Variants in NEO1 observed in about 807,000 individuals in gnomAD.
NEO1 encodes neogenin 1.
Under a neutral mutation model 159.7 loss-of-function variants are expected in NEO1, and 63 were observed. The ratio of observed to expected loss-of-function variants is 0.39; its 90% confidence interval spans 0.32 to 0.49. The LOEUF (loss-of-function observed/expected upper bound fraction) is 0.49, where lower values mean the gene tolerates loss of function less well. Among genes scored for constraint, NEO1 ranks in the 20% least tolerant of loss-of-function variants. The pLI, the probability that NEO1 is intolerant of heterozygous loss-of-function variation, is 0.85. For missense variants in NEO1, 1,615 were observed against 1,831.0 expected (o/e 0.88, Z 2.15); for synonymous variants, 633 against 662.0 (o/e 0.96, Z 0.67).
chr15:73,260,383 C>T lies in NEO1; in HGVS notation c.2316C>T (p.Ala772=). The change falls in exon 15 of 29, where the codon GCC becomes GCT. Residue 772 remains alanine (A), a synonymous_variant. Coordinates refer to ENST00000261908, the MANE Select transcript of NEO1 (RefSeq NM_002499.4). ...ENQNIVVRGY[A]IGYGIGSPHA... ...AGAACATTGTGGTCAGAGGTTACGC[C>T]ATTGGTTATGGCATTGGCAGCCCTC... 1 of 1,613,980 alleles carries T rather than the reference C, an allele frequency of 6.2e-7. No individual in the cohort carries two copies. The highest frequency in any genetic ancestry group is 8.5e-7 in the Non-Finnish European group (1 of 1,179,958).
intron 1 of NEO1, among the ~76,000 whole-genome samples, chr15:73,078,003 A>G (rs2068858674): frequency 6.6e-6 from 1 of 152,188 alleles, no homozygotes; most frequent in Admixed American, 6.5e-5. Flanking sequence ...ATAATGAGCA[A>G]ACATCCAGAA....
chr15:73,120,837 G>C (rs917486560), intron 2 of NEO1, among the ~76,000 whole-genome samples: 1 of 151,820 alleles, frequency 6.6e-6, no homozygotes, highest in Non-Finnish European at 1.5e-5. Context: ...CGACATTTTT[G>C]GTTCACATTT....
intron 12 of NEO1, among the ~76,000 whole-genome samples, chr15:73,253,932 T>C (rs914418062): frequency 6.6e-6 from 1 of 152,198 alleles, no homozygotes; most frequent in Non-Finnish European, 1.5e-5. Context: ...GTCCTTCCTA[T>C]AGCCAAGTTT....
In NEO1 at chr15:73,233,132, T is replaced by C. The variant is rs188430898; in HGVS notation, c.1292-3215T>C. Among the ~76,000 whole-genome samples the C allele has an allele frequency of 3.6e-3, 552 of 152,268 alleles. 4 individuals carry two copies. Among genetic ancestry groups the C allele is most frequent in the African/African-American group, 0.013 (524 of 41,548 alleles). On this transcript the variant is annotated intron_variant, in intron 7 of 28. Transcript: ENST00000261908. ...TTGATGCTAGTGTAACTTAACTGCC[T>C]GTTTGATACTCTGTGATAACATAAG...
chr15:73,206,962 T>TC (rs955814754), intron 7 of NEO1, among the ~76,000 whole-genome samples: 3 of 151,986 alleles, frequency 2.0e-5, no homozygotes, highest in African/African-American at 7.3e-5. Flanking sequence ...CAAGCAACAA[T>TC]CCCCCCATCT....
intron 8 of NEO1, 54 bp from the exon 9 acceptor site, chr15:73,244,290 A>T: frequency 1.3e-6 from 2 of 1,548,586 alleles, no homozygotes; most frequent in African/African-American, 1.4e-5. Context: ...GAAACTGTAC[A>T]TTCTGGAAGT....
At chr15:73,158,126 A>G (rs1185712424) in intron 5 of NEO1, among the ~76,000 whole-genome samples, 2 of 149,700 alleles carry the variant, frequency 1.3e-5, no homozygotes, top group African/African-American at 4.9e-5. Context: ...GAGACAGGAG[A>G]ATTGCTTGAA....
chr15:73,235,326 A>G (rs2039112027), intron 7 of NEO1, among the ~76,000 whole-genome samples: 1 of 152,170 alleles, frequency 6.6e-6, no homozygotes, highest in Non-Finnish European at 1.5e-5. Context: ...AAATTGTGAG[A>G]TTAAACTTGT....
chr15:73,231,319 C>T (rs2038897064), intron 7 of NEO1, among the ~76,000 whole-genome samples: 1 of 152,120 alleles, frequency 6.6e-6, no homozygotes, highest in Admixed American at 6.5e-5. Flanking sequence ...CAAAACAAGT[C>T]TCAATACATT....
intron 7 of NEO1, among the ~76,000 whole-genome samples, chr15:73,201,331 A>G (rs1490314810): frequency 6.6e-6 from 1 of 151,802 alleles, no homozygotes; most frequent in African/African-American, 2.4e-5. Flanking sequence ...TCTTTGGCCC[A>G]TGAGTTATTT....
intron 1 of NEO1, among the ~76,000 whole-genome samples, chr15:73,073,412 G>A (rs1289293246): frequency 6.6e-6 from 1 of 152,088 alleles, no homozygotes; most frequent in Non-Finnish European, 1.5e-5. Context: ...ATGACTGAAT[G>A]TAGTGGTTGA....
chr15:73,071,467 A>G (rs2068528697), intron 1 of NEO1, among the ~76,000 whole-genome samples: 1 of 152,222 alleles, frequency 6.6e-6, no homozygotes, highest in Non-Finnish European at 1.5e-5. Context: ...CTCCAGGGAA[A>G]AATGTAATTT....
chr15:73,271,600 T>C (rs2041171712), intron 18 of NEO1, among the ~76,000 whole-genome samples: 1 of 152,110 alleles, frequency 6.6e-6, no homozygotes. Context: ...TTTGAAGAAA[T>C]AGGGCTTTTA....
chr15:73,176,442 C>T lies in NEO1; in HGVS notation c.1055C>T (p.Ala352Val). The stretch of plus-strand genomic sequence containing the variant: ...CTGAAGCAGCCTACTAATATATATG[C>T]TCACGAATCTATGGATATTGTATTT... The part of the protein sequence containing the change: ...EFLKQPTNIY[A>V]HESMDIVFEC... The change falls in exon 6 of 29, where the codon GCT becomes GTT. Residue 352 changes from alanine to valine, a missense_variant. By Grantham distance (64) the Ala-to-Val change is moderately conservative (BLOSUM62 0). Coordinates refer to ENST00000261908, the MANE Select transcript of NEO1 (RefSeq NM_002499.4). The T allele has an allele frequency of 3.7e-6, 6 of 1,604,752 alleles. No homozygotes were observed. Among genetic ancestry groups the T allele is most frequent in the Non-Finnish European group, 5.1e-6 (6 of 1,174,942 alleles).
intron 1 of NEO1, among the ~76,000 whole-genome samples, chr15:73,053,777 G>A (rs2067573973): frequency 6.6e-6 from 1 of 152,208 alleles, no homozygotes; most frequent in Non-Finnish European, 1.5e-5. Context: ...ATTTGACCAA[G>A]GTGGTGTACC....
At chr15:73,142,155 T>C (rs1389572599) in intron 5 of NEO1, among the ~76,000 whole-genome samples, 1 of 152,146 alleles carries the variant, frequency 6.6e-6, no homozygotes, top group Admixed American at 6.6e-5. Flanking sequence ...GAAACTCATA[T>C]GTGATGTTGT....
chr15:73,104,607 T>C (rs753824728), intron 1 of NEO1, among the ~76,000 whole-genome samples: 1 of 152,248 alleles, frequency 6.6e-6, no homozygotes, highest in African/African-American at 2.4e-5. Context: ...AATATTGATT[T>C]GATAGCCAAC....
At chr15:73,116,325 T>G (rs573146871) in intron 1 of NEO1, among the ~76,000 whole-genome samples, 1 of 152,304 alleles carries the variant, frequency 6.6e-6, no homozygotes, top group African/African-American at 2.4e-5. Context: ...TAGAAGGTTT[T>G]TTTTTCCCCT....
chr15:73,268,944 C>T (rs548827459), intron 16 of NEO1, among the ~76,000 whole-genome samples: 9 of 152,272 alleles, frequency 5.9e-5, no homozygotes, highest in African/African-American at 1.4e-4. Flanking sequence ...ATGGCATTTC[C>T]GTTAACTGAT....
Sources: gnomAD v4.1 joint callset for allele counts (sites outside exome capture counted in the v4.1 genomes callset) on GRCh38, gnomAD v4.1.1 for gene constraint, MANE v1.5 for transcripts, NCBI Gene and HGNC (gene_info 2026-07-23, HGNC 2026-07-21) for gene names.